The following PCDH15 variants were observed in gnomAD, a reference collection of about 807,000 sequenced individuals.
PCDH15 encodes the protein protocadherin related 15.
In PCDH15, 129 loss-of-function variants were observed where a neutral mutation model predicts 178.5. The ratio of observed to expected loss-of-function variants is 0.72; its 90% confidence interval spans 0.63 to 0.84. PCDH15 has a LOEUF of 0.84. PCDH15 is among the 40% of genes least tolerant of loss of function. PCDH15 has a pLI of 0.00. For missense variants in PCDH15, 2,230 were observed against 2,099.9 expected (o/e 1.06, Z -1.21); for synonymous variants, 800 against 732.0 (o/e 1.09, Z -1.50).
intron 2 of PCDH15, among the ~76,000 whole-genome samples, chr10:55,384,770 G>T (rs1837612007): frequency 6.6e-6 from 1 of 152,020 alleles, no homozygotes; most frequent in South Asian, 2.1e-4. Context: ...CAATAAATAG[G>T]ACGTCAGATT....
intron 2 of PCDH15, among the ~76,000 whole-genome samples, chr10:54,629,850 T>C (rs1313057846): frequency 6.6e-6 from 1 of 152,138 alleles, no homozygotes; most frequent in Admixed American, 6.6e-5. Context: ...CTGTAAAGAC[T>C]CTTTGAAAAG....
chr10:54,620,052 G>C (rs2134409703), intron 2 of PCDH15, among the ~76,000 whole-genome samples: 1 of 152,104 alleles, frequency 6.6e-6, no homozygotes, highest in East Asian at 1.9e-4. Flanking sequence ...CCACAATCTT[G>C]TTCCCCTTTT....
Position 53,864,638 on chromosome 10 carries a change from C to T in PCDH15, c.3717+2004G>A, listed in dbSNP as rs192353363. Reference sequence around the variant, plus strand: ...ACCCAGAAAACTTTGTAACCAGGCCCTTGAGTCACTTGCTTGAGTCCACTC... The same window carrying T: ...ACCCAGAAAACTTTGTAACCAGGCCTTTGAGTCACTTGCTTGAGTCCACTC... On this transcript the variant is annotated intron_variant, in intron 27 of 37. Transcript: ENST00000644397. Among the ~76,000 whole-genome samples the T allele has an allele frequency of 9.4e-4, 143 of 152,158 alleles. 4 individuals carry two copies. In the South Asian group the frequency reaches 0.03, roughly 32 times the overall value.
chr10:55,427,717 A>G (rs1359788813), intron 2 of PCDH15, among the ~76,000 whole-genome samples: 1 of 152,176 alleles, frequency 6.6e-6, no homozygotes, highest in African/African-American at 2.4e-5. Context: ...AATACTTTAG[A>G]TTTATACCTC....
At chr10:54,446,973 T>A (rs578216530) in intron 3 of PCDH15, among the ~76,000 whole-genome samples, 40 of 151,732 alleles carry the variant, frequency 2.6e-4, no homozygotes, top group African/African-American at 9.2e-4. Flanking sequence ...TATCAGAGAT[T>A]AAAGAAACAC....
At chr10:54,231,988 C>T (rs1460346939) in intron 9 of PCDH15, among the ~76,000 whole-genome samples, 1 of 152,138 alleles carries the variant, frequency 6.6e-6, no homozygotes, top group African/African-American at 2.4e-5. Flanking sequence ...ATTCTGAAAT[C>T]AGTTAAGACT....
intron 2 of PCDH15, among the ~76,000 whole-genome samples, chr10:54,552,411 T>C (rs1176830874): frequency 6.6e-6 from 1 of 152,188 alleles, no homozygotes; most frequent in Non-Finnish European, 1.5e-5. Flanking sequence ...TATTTAAAAC[T>C]TTTTCATGTC....
At chr10:55,625,242 A>G (rs1159298834) in intron 2 of PCDH15, among the ~76,000 whole-genome samples, 6 of 152,154 alleles carry the variant, frequency 3.9e-5, no homozygotes, top group Non-Finnish European at 8.8e-5. Context: ...AAATATACAA[A>G]TGATAAAATT....
chr10:55,038,762 G>A (rs970810994), intron 2 of PCDH15, among the ~76,000 whole-genome samples: 12 of 152,120 alleles, frequency 7.9e-5, no homozygotes, highest in Non-Finnish European at 1.8e-4. Context: ...AGCAGTGTTG[G>A]AAGGGATTCA....
chr10:54,749,880 A>C (rs1406482106), intron 1 of PCDH15, among the ~76,000 whole-genome samples: 1 of 152,128 alleles, frequency 6.6e-6, no homozygotes, highest in Admixed American at 6.5e-5. Context: ...TAGACTCTGG[A>C]GTATCAGATG....
At chr10:54,733,417 T>A (rs1943669351) in intron 1 of PCDH15, among the ~76,000 whole-genome samples, 1 of 151,530 alleles carries the variant, frequency 6.6e-6, no homozygotes, top group African/African-American at 2.4e-5. Flanking sequence ...TAACAAAGTA[T>A]ATGCATGATC....
intron 2 of PCDH15, among the ~76,000 whole-genome samples, chr10:54,633,767 C>A (rs753162941): frequency 2.0e-5 from 3 of 152,072 alleles, no homozygotes; most frequent in Non-Finnish European, 4.4e-5. Flanking sequence ...AAATCAATTA[C>A]GCCCCAACCC....
At chr10:54,013,823 A>G (rs763266424) in intron 20 of PCDH15, among the ~76,000 whole-genome samples, 2 of 152,088 alleles carry the variant, frequency 1.3e-5, no homozygotes, top group Non-Finnish European at 2.9e-5. Flanking sequence ...CAAATGAACA[A>G]TCTAGCATCA....
At chr10:54,537,295 G>A (rs1195271546) in intron 2 of PCDH15, among the ~76,000 whole-genome samples, 3 of 152,104 alleles carry the variant, frequency 2.0e-5, no homozygotes, top group East Asian at 3.9e-4. Flanking sequence ...CAACGCGACC[G>A]GCCGCAATTT....
At chr10:54,341,908 TGG>T (rs1290956932) in intron 6 of PCDH15, among the ~76,000 whole-genome samples, 1 of 152,230 alleles carries the variant, frequency 6.6e-6, no homozygotes, top group African/African-American at 2.4e-5. Context: ...TTAGGGTATC[TGG>T]CAGGAGAAAT....
intron 3 of PCDH15, among the ~76,000 whole-genome samples, chr10:54,846,646 A>T (rs1438940433): frequency 6.6e-6 from 1 of 152,040 alleles, no homozygotes. Flanking sequence ...TTCTTTTTTT[A>T]AAATAGGAAT....
chr10:54,801,957 A>C (rs185901754), upstream of PCDH15, among the ~76,000 whole-genome samples: 3 of 152,344 alleles, frequency 2.0e-5, no homozygotes, highest in Admixed American at 1.3e-4. Context: ...TTCTTAAGGA[A>C]TCTATCTTGC....
chr10:54,795,377 G>A (rs1380451250), intron 1 of PCDH15, among the ~76,000 whole-genome samples: 4 of 151,850 alleles, frequency 2.6e-5, no homozygotes, highest in African/African-American at 9.7e-5. Context: ...TTGGCCTTAA[G>A]AAAGTAGGAT....
At chr10:55,238,201 GCA>G (rs1440417801) in intron 1 of PCDH15, among the ~76,000 whole-genome samples, 84 of 141,790 alleles carry the variant, frequency 5.9e-4, no homozygotes, top group African/African-American at 1.9e-3. Flanking sequence ...AGGCTGGAGT[GCA>G]CAGTGGCGCG....
Sources: allele counts gnomAD v4.1 joint callset (sites outside exome capture counted in the v4.1 genomes callset), GRCh38; gene constraint gnomAD v4.1.1; transcripts MANE v1.5; gene names NCBI Gene and HGNC (gene_info 2026-07-23, HGNC 2026-07-21).